Variants in PRSS23 observed in about 807,000 individuals in gnomAD.
PRSS23 encodes the protein protease, serine 23.
Under a neutral mutation model 34.7 loss-of-function variants are expected in PRSS23, and 25 were observed. The ratio of observed to expected loss-of-function variants is 0.72; its 90% CI spans 0.53 to 1.01. The LOEUF (loss-of-function observed/expected upper bound fraction) is 1.01. Among genes scored for constraint, PRSS23 ranks in the 50% least tolerant of loss-of-function variants. PRSS23 has a pLI of 0.00. For synonymous variants in PRSS23, 176 were observed against 186.6 expected (o/e 0.94, Z 0.46); for missense variants, 445 against 475.6 (o/e 0.94, Z 0.60).
At chr11:86,938,258 C>T (rs1178303842) in intron 2 of PRSS23, among the ~76,000 whole-genome samples, 1 of 152,204 alleles carries the variant, frequency 6.6e-6, no homozygotes, top group Non-Finnish European at 1.5e-5. Context: ...TGTAATATAA[C>T]ACATGCAATT....
rs143938670 is a variant in PRSS23, at chr11:86,809,532, A to G, written c.*737A>G. On this transcript the variant is annotated 3_prime_UTR_variant, in exon 2 of 2. Coordinates refer to ENST00000280258, the MANE Select transcript of PRSS23 (RefSeq NM_007173.6). ...CCTCCCAACTTTAAAGTCATACCAG[A>G]GTGGCCAAGAGTGTTTATCCCAACC... The G allele has an allele frequency of 6.0e-6, 1 of 167,188 alleles. No individual in the cohort carries two copies. The highest frequency in any genetic ancestry group is 1.5e-5 in the Non-Finnish European group (1 of 68,104). The allele number at this position is 167,188 out of a possible 1,614,324, so 10.4% of individuals were successfully genotyped here.
At chr11:86,831,649 C>G (rs1403019288) in intron 2 of PRSS23, among the ~76,000 whole-genome samples, 1 of 150,064 alleles carries the variant, frequency 6.7e-6, no homozygotes, top group African/African-American at 2.5e-5. Flanking sequence ...GATATCATTC[C>G]TAATATTCTA....
intron 1 of PRSS23, chr11:86,823,359 G>C: frequency 1.4e-6 from 1 of 701,174 alleles, no homozygotes; most frequent in Non-Finnish European, 2.6e-6. Flanking sequence ...TGCTGTCTCT[G>C]TGTTTCATCT....
intron 2 of PRSS23, among the ~76,000 whole-genome samples, chr11:86,873,615 C>G (rs1948703522): frequency 6.6e-6 from 1 of 152,132 alleles, no homozygotes; most frequent in Non-Finnish European, 1.5e-5. Flanking sequence ...CTGGCCATAG[C>G]TGATTGGTCC....
At chr11:86,941,514 G>T (rs1949207357) in intron 2 of PRSS23, among the ~76,000 whole-genome samples, 1 of 152,206 alleles carries the variant, frequency 6.6e-6, no homozygotes, top group Admixed American at 6.5e-5. Flanking sequence ...TAGAGGATTT[G>T]TTTTTCCACA....
intron 2 of PRSS23, among the ~76,000 whole-genome samples, chr11:86,877,000 C>A (rs1026828979): frequency 7.2e-5 from 11 of 152,160 alleles, no homozygotes; most frequent in African/African-American, 2.4e-4. Context: ...CACGGCTGAG[C>A]CCTGGCCAAG....
intron 2 of PRSS23, among the ~76,000 whole-genome samples, chr11:86,897,498 A>G (rs1948884635): frequency 6.6e-6 from 1 of 152,240 alleles, no homozygotes; most frequent in Non-Finnish European, 1.5e-5. Flanking sequence ...TGAGATACAA[A>G]GTCTTGCTCT....
At chr11:86,904,386 C>G (rs942614566) in intron 2 of PRSS23, among the ~76,000 whole-genome samples, 1 of 152,094 alleles carries the variant, frequency 6.6e-6, no homozygotes, top group African/African-American at 2.4e-5. Context: ...TCCTAGTAAT[C>G]ATGAACTGCT....
intron 2 of PRSS23, among the ~76,000 whole-genome samples, chr11:86,900,630 C>T (rs996088840): frequency 6.6e-6 from 1 of 152,104 alleles, no homozygotes; most frequent in African/African-American, 2.4e-5. Flanking sequence ...TATGTCACAC[C>T]TGTGTTTGCC....
At chr11:86,929,324 A>G (rs1949107169) in intron 2 of PRSS23, among the ~76,000 whole-genome samples, 2 of 148,584 alleles carry the variant, frequency 1.3e-5, no homozygotes, top group African/African-American at 5.0e-5. Flanking sequence ...CTCCGTCTCA[A>G]AAAAAAAAAA....
intron 2 of PRSS23, among the ~76,000 whole-genome samples, chr11:86,913,119 T>C (rs1322338855): frequency 6.6e-6 from 1 of 152,110 alleles, no homozygotes; most frequent in East Asian, 1.9e-4. Flanking sequence ...CCCTTTCCAT[T>C]GTTTTATCCT....
intron 2 of PRSS23, among the ~76,000 whole-genome samples, chr11:86,907,567 C>T (rs1454861538): frequency 6.6e-6 from 1 of 151,974 alleles, no homozygotes; most frequent in Non-Finnish European, 1.5e-5. Flanking sequence ...TCTAGCAGTC[C>T]CCCCATCTTA....
rs1477185860 is a variant in PRSS23 at position 86,823,583 on chromosome 11, G to T, written c.196G>T (p.Glu66Ter). 4 of 702,476 alleles carry T rather than the reference G, an allele frequency of 5.7e-6. No homozygotes were observed. In the Admixed American group the frequency reaches 8.0e-5, roughly 14 times the overall value. 43.5% of individuals were successfully genotyped at this position (702,476 alleles called of 1,614,324 possible). A position where few individuals can be genotyped will look rare whatever the true frequency, so the allele number is the denominator to read the frequency against. The change falls in exon 2 of 3, where the codon GAG (glutamate) becomes TAG (stop). Residue 66 changes from glutamate to a stop codon, truncating the protein, a stop_gained. Transcript: ENST00000533902. LOFTEE classifies it high-confidence loss of function. ...TTCTGCTTTCATGGAGTTCACAGAAGAGTCGAGGAGGTAAGTTCATATCAG... is the reference window on the plus strand; with the variant it reads ...TTCTGCTTTCATGGAGTTCACAGAATAGTCGAGGAGGTAAGTTCATATCAG...
intron 2 of PRSS23, among the ~76,000 whole-genome samples, chr11:86,907,083 A>G (rs1948948502): frequency 6.6e-6 from 1 of 152,194 alleles, no homozygotes; most frequent in Admixed American, 6.5e-5. Flanking sequence ...ACAGAATACC[A>G]TTGCTGGCCT....
intron 2 of PRSS23, among the ~76,000 whole-genome samples, chr11:86,898,793 T>C (rs1434065273): frequency 6.6e-6 from 1 of 152,208 alleles, no homozygotes; most frequent in Non-Finnish European, 1.5e-5. Flanking sequence ...TGAACCTTCA[T>C]TTCCTGGCCT....
At chr11:86,877,595 A>G (rs1447698550) in intron 2 of PRSS23, among the ~76,000 whole-genome samples, 2 of 152,142 alleles carry the variant, frequency 1.3e-5, no homozygotes, top group Non-Finnish European at 2.9e-5. Context: ...TGTTGAAAAG[A>G]CTATTCTTTG....
chr11:86,814,367 G>A (rs1257510964), downstream of PRSS23, among the ~76,000 whole-genome samples: 1 of 151,888 alleles, frequency 6.6e-6, no homozygotes, highest in Non-Finnish European at 1.5e-5. Context: ...GGAGGAAGAG[G>A]AGGAGGAGGA....
chr11:86,833,924 C>T (rs756965460), intron 2 of PRSS23, among the ~76,000 whole-genome samples: 11 of 152,068 alleles, frequency 7.2e-5, no homozygotes, highest in African/African-American at 1.4e-4. Flanking sequence ...GAGATTTCCT[C>T]GGGAGGGGTG....
intron 2 of PRSS23, among the ~76,000 whole-genome samples, chr11:86,940,495 C>T (rs570406296): frequency 3.9e-5 from 6 of 152,306 alleles, no homozygotes; most frequent in South Asian, 2.1e-4. Flanking sequence ...TCATCCAAAC[C>T]GGTCTTCCTG....
Sources: allele counts gnomAD v4.1 joint callset (sites outside exome capture counted in the v4.1 genomes callset), GRCh38; gene constraint gnomAD v4.1.1; transcripts MANE v1.5; gene names NCBI Gene and HGNC (gene_info 2026-07-23, HGNC 2026-07-21).